Variants in ATRN observed in about 807,000 individuals in gnomAD.
ATRN encodes attractin-2.
A neutral mutation model predicts 178.7 loss-of-function variants in ATRN; 54 were observed. That is an observed-to-expected ratio of 0.30 (90% CI 0.24 to 0.38). ATRN has a LOEUF of 0.38. Ranked by LOEUF, ATRN falls within the 10% of genes least tolerant of loss-of-function variation. The probability of loss-of-function intolerance (pLI) is 1.00; values close to 1 mark genes in which losing one functional copy is unlikely to be tolerated. For missense variants in ATRN, 1,443 were observed against 1,815.1 expected (o/e 0.79, Z 3.73); for synonymous variants, 636 against 663.0 (o/e 0.96, Z 0.63).
At chr20:3,563,075 A>G in intron 9 of ATRN, 134 bp from the exon 10 acceptor site, 1 of 749,698 alleles carries the variant, frequency 1.3e-6, no homozygotes, top group Non-Finnish European at 2.0e-6. Context: ...ACTTACTTTT[A>G]TGTAGGGAAA....
chr20:3,633,205 G>C (rs73893055), intron 25 of ATRN, among the ~76,000 whole-genome samples: 6 of 152,032 alleles, frequency 3.9e-5, no homozygotes, highest in African/African-American at 1.4e-4. Flanking sequence ...AGAGATGAAG[G>C]CTTTCCACCA....
intron 25 of ATRN, among the ~76,000 whole-genome samples, chr20:3,633,961 A>G (rs924915362): frequency 5.9e-5 from 9 of 152,232 alleles, no homozygotes; most frequent in Admixed American, 2.6e-4. Context: ...ATATCTGCTA[A>G]CTTGAATAAA....
intron 24 of ATRN, among the ~76,000 whole-genome samples, chr20:3,611,928 T>C (rs2086772674): frequency 6.6e-6 from 1 of 152,156 alleles, no homozygotes; most frequent in African/African-American, 2.4e-5. Context: ...CTCTGGAAAA[T>C]ACTTTGTTTC....
intron 25 of ATRN, 51 bp from the exon 26 acceptor site, chr20:3,634,260 G>T (rs761141749): frequency 1.3e-5 from 20 of 1,566,752 alleles, no homozygotes; most frequent in Non-Finnish European, 1.8e-5. Context: ...GCAACGGTGG[G>T]AGCTGATTCT....
rs565368573 is a variant in ATRN at position 3,565,040 on chromosome 20, G to A, written c.1787-308G>A. On this transcript the variant is annotated intron_variant, in intron 10 of 28. Transcript: ENST00000262919. ...AGATCACACCACTGCACTCCAGCCT[G>A]GGTGACAGAGCGAGACTCTGTCTCA... Among the ~76,000 whole-genome samples the A allele has an allele frequency of 2.0e-5, 3 of 152,250 alleles. No individual in the cohort carries two copies. In the East Asian group the frequency reaches 5.8e-4, roughly 29 times the overall value.
chr20:3,489,676 C>T (rs557970465), intron 1 of ATRN: 4 of 1,561,566 alleles, frequency 2.6e-6, no homozygotes, highest in African/African-American at 1.4e-5. Context: ...GAGACAGCAT[C>T]TTCAATCTGC....
intron 1 of ATRN, among the ~76,000 whole-genome samples, chr20:3,476,926 A>G (rs145987466): frequency 3.3e-5 from 5 of 152,040 alleles, no homozygotes; most frequent in African/African-American, 1.2e-4. Flanking sequence ...CTTTTTTCTT[A>G]TAGTAATTAC....
At chr20:3,571,558 GTGCT>G (rs1317660964) in intron 11 of ATRN, among the ~76,000 whole-genome samples, 1 of 106,180 alleles carries the variant, frequency 9.4e-6, no homozygotes, top group African/African-American at 3.8e-5. Flanking sequence ...TCAATTTTTT[GTGCT>G]TTTTTTTTTT....
In ATRN at chr20:3,645,362, A is replaced by AT. The variant is rs1473546001; in HGVS notation, c.4165+1095dup. 6.6e-6 allele frequency among the ~76,000 whole-genome samples: 1 copy of AT among 152,206 alleles called. No individual in the cohort carries two copies. The highest frequency in any genetic ancestry group is 1.9e-4 in the East Asian group (1 of 5,200). ...GGCTCGGCCAGGATTCATTGTCTTCATCTCACCTAGGGATTCCTGTGAGTT... is the reference window on the plus strand; with the variant it reads ...GGCTCGGCCAGGATTCATTGTCTTCATTCTCACCTAGGGATTCCTGTGAGTT... On this transcript the variant is annotated intron_variant, in intron 28 of 28. Coordinates refer to ENST00000262919, the MANE Select transcript of ATRN (RefSeq NM_139321.3). The surrounding 1 kb of genome is among the most constrained non-coding windows in gnomAD (Gnocchi z 4.7).
At chr20:3,606,154 C>G (rs1387654320) in intron 24 of ATRN, among the ~76,000 whole-genome samples, 1 of 152,154 alleles carries the variant, frequency 6.6e-6, no homozygotes, top group African/African-American at 2.4e-5. Context: ...AAGCATCAGC[C>G]ACGCTTCTTA....
intron 25 of ATRN, among the ~76,000 whole-genome samples, chr20:3,625,991 G>C (rs910709606): frequency 6.6e-6 from 1 of 152,010 alleles, no homozygotes; most frequent in East Asian, 1.9e-4. Flanking sequence ...TAGCACTTTG[G>C]GAGACCAAAG....
chr20:3,541,457 A>G (rs2085621264), intron 3 of ATRN, among the ~76,000 whole-genome samples: 1 of 151,624 alleles, frequency 6.6e-6, no homozygotes, highest in African/African-American at 2.4e-5. Context: ...TGATTTCATC[A>G]TTATGTAAAC....
intron 3 of ATRN, among the ~76,000 whole-genome samples, chr20:3,545,394 CATGTCTTTCAGCA>C (rs1276913855): frequency 6.6e-6 from 1 of 150,552 alleles, no homozygotes; most frequent in Non-Finnish European, 1.5e-5. Context: ...ACAAAAACCT[CATGTCTTTCAGCA>C]ATATATGTGT....
chr20:3,534,279 G>A (rs529173323), intron 1 of ATRN, among the ~76,000 whole-genome samples: 1 of 152,316 alleles, frequency 6.6e-6, no homozygotes, highest in South Asian at 2.1e-4. Flanking sequence ...TCATTGGAAA[G>A]GGGGAATAAA....
intron 1 of ATRN, among the ~76,000 whole-genome samples, chr20:3,493,256 T>A (rs1048764203): frequency 2.0e-5 from 3 of 151,190 alleles, no homozygotes; most frequent in Admixed American, 6.6e-5. Context: ...TGAACTCAGA[T>A]AATCCTTCCA....
chr20:3,472,226 A>C (rs2084440604), intron 1 of ATRN, among the ~76,000 whole-genome samples: 1 of 152,208 alleles, frequency 6.6e-6, no homozygotes, highest in Non-Finnish European at 1.5e-5. Flanking sequence ...TGGAGAAATC[A>C]ATAAATTAAT....
At chr20:3,620,351 A>G (rs183906528) in intron 24 of ATRN, among the ~76,000 whole-genome samples, 1 of 152,264 alleles carries the variant, frequency 6.6e-6, no homozygotes, top group East Asian at 1.9e-4. Context: ...GGTTTGAGCA[A>G]TTCTTGTGCC....
At chr20:3,557,893 T>C (rs235582) in intron 6 of ATRN, among the ~76,000 whole-genome samples, 114,553 of 152,148 alleles carry the variant, frequency 0.75, 43,569 homozygotes, top group East Asian at 1. Flanking sequence ...CAAAAATATG[T>C]AAAATAATAG....
At chr20:3,585,490 C>G (rs1247134772) in intron 18 of ATRN, among the ~76,000 whole-genome samples, 3 of 152,140 alleles carry the variant, frequency 2.0e-5, no homozygotes, top group Non-Finnish European at 4.4e-5. Context: ...ACACCAGGAA[C>G]CAATTTTTTG....
Sources: gnomAD v4.1 joint callset for allele counts (sites outside exome capture counted in the v4.1 genomes callset) on GRCh38, gnomAD v4.1.1 for gene constraint, Gnocchi (gnomAD v3.1) non-coding constraint, MANE v1.5 for transcripts, NCBI Gene and HGNC (gene_info 2026-07-23, HGNC 2026-07-21) for gene names.